VPS13A: variants seen among roughly 807,000 people sequenced by gnomAD.
VPS13A encodes intermembrane lipid transfer protein VPS13A.
A neutral mutation model predicts 390.9 loss-of-function variants in VPS13A; 264 were observed. That is an observed-to-expected ratio of 0.68 (90% confidence interval 0.61 to 0.75). The LOEUF is 0.75. Ranked by LOEUF, VPS13A falls within the 30% of genes least tolerant of loss-of-function variation. The probability of loss-of-function intolerance (pLI) is 0.00; values close to 1 mark genes in which losing one functional copy is unlikely to be tolerated. For missense variants in VPS13A, 3,409 were observed against 3,733.9 expected, an observed-to-expected ratio of 0.91 and a Z score of 2.27; for synonymous variants, 1,231 against 1,227.1, an observed-to-expected ratio of 1.00 and a Z score of -0.07.
intron 68 of VPS13A, among the ~76,000 whole-genome samples, chr9:77,401,598 T>G (rs972167056): frequency 1.3e-5 from 2 of 152,208 alleles, no homozygotes; most frequent in Admixed American, 6.5e-5. Flanking sequence ...CCAAATTGAT[T>G]ACTGGGTTTT....
At chr9:77,260,350 A>ATT in intron 23 of VPS13A, 126 bp downstream of exon 23, 5 of 712,262 alleles carry the variant, frequency 7.0e-6, no homozygotes, top group Admixed American at 3.6e-5. Context: ...TAAGAAAATT[A>ATT]CTTTTTTTTT....
chr9:77,382,937 A>C, intron 68 of VPS13A: 1 of 985,226 alleles, frequency 1.0e-6, no homozygotes, highest in Non-Finnish European at 1.2e-6. Context: ...TATATAGGCT[A>C]TACCAGTGTC....
At chr9:77,296,538 A>G (rs143775100) in intron 33 of VPS13A, among the ~76,000 whole-genome samples, 1 of 151,916 alleles carries the variant, frequency 6.6e-6, no homozygotes, top group Non-Finnish European at 1.5e-5. Flanking sequence ...TTTTTTACTT[A>G]ACTAACTCCC....
At chr9:77,332,443 T>A (rs1830325911) in intron 46 of VPS13A, among the ~76,000 whole-genome samples, 1 of 151,930 alleles carries the variant, frequency 6.6e-6, no homozygotes. Flanking sequence ...TATTATGAAG[T>A]AATTTGTACT....
At chr9:77,348,291 C>T (rs916049343) in intron 52 of VPS13A, among the ~76,000 whole-genome samples, 5 of 152,184 alleles carry the variant, frequency 3.3e-5, no homozygotes, top group South Asian at 4.2e-4. Flanking sequence ...ACTATGCAGC[C>T]GTAAAAAGGA....
At chr9:77,302,137 T>C (rs940918477) in intron 33 of VPS13A, among the ~76,000 whole-genome samples, 1 of 151,936 alleles carries the variant, frequency 6.6e-6, no homozygotes, top group Non-Finnish European at 1.5e-5. Flanking sequence ...TTTGTATTTT[T>C]AGTAGAGATG....
chr9:77,196,140 T>C (rs1824987010), intron 1 of VPS13A, among the ~76,000 whole-genome samples: 1 of 152,216 alleles, frequency 6.6e-6, no homozygotes, highest in Admixed American at 6.5e-5. Context: ...TTTATTTATT[T>C]ATTGTTACTA....
chr9:77,266,990 A>C (rs1005125150), intron 23 of VPS13A, among the ~76,000 whole-genome samples: 1 of 151,836 alleles, frequency 6.6e-6, no homozygotes, highest in African/African-American at 2.4e-5. Flanking sequence ...CGAAGTTCTC[A>C]TGCTGTGTTT....
At chr9:77,391,807 A>G (rs1345026739) in intron 68 of VPS13A, among the ~76,000 whole-genome samples, 1 of 152,226 alleles carries the variant, frequency 6.6e-6, no homozygotes, top group Non-Finnish European at 1.5e-5. Context: ...GATATATAAA[A>G]TTGAATTTTT....
rs1454463415 is a variant in VPS13A at position 77,312,678 on chromosome 9, G to A, written c.4115-1314G>A. ...GATCCGCCTGCCTTGGCCTCCCAAA[G>A]TGCTGGGATTACAGGTGTGAGCCAC... On this transcript the variant is annotated intron_variant, in intron 35 of 71. Transcript: ENST00000360280. Among the ~76,000 whole-genome samples the A allele has an allele frequency of 2.0e-5, 3 of 152,010 alleles. 1 individual carries two copies. The highest frequency in any genetic ancestry group is 6.6e-5 in the Admixed American group (1 of 15,254).
intron 5 of VPS13A, among the ~76,000 whole-genome samples, chr9:77,206,556 C>G (rs1202198724): frequency 6.6e-6 from 1 of 152,040 alleles, no homozygotes; most frequent in African/African-American, 2.4e-5. Flanking sequence ...TCCAATTAAA[C>G]TTAGACAATA....
chr9:77,298,147 A>G (rs989567042), intron 33 of VPS13A, among the ~76,000 whole-genome samples: 1 of 152,220 alleles, frequency 6.6e-6, no homozygotes, highest in Non-Finnish European at 1.5e-5. Context: ...TTATTTCTCT[A>G]ATGGGCAAAG....
At chr9:77,385,273 G>T (rs1393261662) in intron 68 of VPS13A, 9 of 595,058 alleles carry the variant, frequency 1.5e-5, no homozygotes, top group Non-Finnish European at 1.9e-5. Context: ...TCTCATGGAA[G>T]AGTAGATAGT....
chr9:77,343,629 C>T (rs1830965090), intron 50 of VPS13A, among the ~76,000 whole-genome samples: 1 of 152,162 alleles, frequency 6.6e-6, no homozygotes, highest in Non-Finnish European at 1.5e-5. Context: ...GAAGTTATTT[C>T]GTACAATTCT....
intron 19 of VPS13A, among the ~76,000 whole-genome samples, chr9:77,240,573 G>A (rs1824430532): frequency 6.6e-6 from 1 of 150,472 alleles, no homozygotes; most frequent in Admixed American, 6.6e-5. Flanking sequence ...TGCCTCCCAG[G>A]TTCAAGCAAT....
At position 77,250,236 on chromosome 9, in the gene VPS13A, A is replaced by G; in HGVS notation, c.2170+7A>G. On this transcript the variant is annotated splice_region_variant and intron_variant, in intron 21 of 71. Coordinates refer to ENST00000360280, the MANE Select transcript of VPS13A (RefSeq NM_033305.3). ...CTGCTTTACAGTAGAGTTGGTGAGT[A>G]TAAAATGCATTATTTGTTGATTGAT... 1 of 1,612,862 alleles carries G rather than the reference A, an allele frequency of 6.2e-7. No homozygotes were observed. Among genetic ancestry groups the G allele is most frequent in the African/African-American group, 1.3e-5 (1 of 75,054 alleles).
intron 23 of VPS13A, among the ~76,000 whole-genome samples, chr9:77,260,460 A>T (rs1825695256): frequency 7.1e-6 from 1 of 141,824 alleles, no homozygotes; most frequent in East Asian, 2.1e-4. Context: ...GGCTCACGCC[A>T]TTCTCCTGCC....
intron 71 of VPS13A, among the ~76,000 whole-genome samples, chr9:77,413,293 A>G (rs1835022962): frequency 6.6e-6 from 1 of 152,242 alleles, no homozygotes; most frequent in Admixed American, 6.5e-5. Flanking sequence ...GTCAATCCTA[A>G]GCCAAAAGAA....
intron 22 of VPS13A, among the ~76,000 whole-genome samples, chr9:77,258,228 G>A (rs1173769151): frequency 1.3e-5 from 2 of 152,010 alleles, no homozygotes; most frequent in Non-Finnish European, 2.9e-5. Context: ...TTAACCAAAG[G>A]CTTTTCTCAT....
Sources: allele counts gnomAD v4.1 joint callset (sites outside exome capture counted in the v4.1 genomes callset), GRCh38; gene constraint gnomAD v4.1.1; transcripts MANE v1.5; gene names NCBI Gene and HGNC (gene_info 2026-07-23, HGNC 2026-07-21).